OC90: variants seen among roughly 807,000 people sequenced by gnomAD.
The protein encoded by OC90 is otoconin-90.
Under a neutral mutation model 47.3 loss-of-function variants are expected in OC90, and 46 were observed. The observed-to-expected ratio is 0.97, with a 90% confidence interval of 0.77 to 1.24. The LOEUF (loss-of-function observed/expected upper bound fraction) is 1.24, where lower values mean the gene tolerates loss of function less well. Among genes scored for constraint, OC90 ranks in the 50% most tolerant of loss-of-function variants. The pLI is 0.00. For synonymous variants in OC90, 271 were observed against 219.5 expected (o/e 1.23, Z -2.07); for missense variants, 688 against 583.9 (o/e 1.18, Z -1.84).
chr8:132,041,030 C>T lies in OC90; in HGVS notation c.457+14G>A, dbSNP rs1283406049. The T allele has an allele frequency of 4.7e-6, 7 of 1,500,694 alleles. No individual in the cohort carries two copies. In the South Asian group the frequency reaches 6.8e-5, roughly 14 times the overall value. 93.0% of individuals were successfully genotyped at this position (1,500,694 alleles called of 1,614,324 possible). ...TTCTGGGCCCAGGCCCCTGGGACAC[C>T]TGGAGATGCTTACCACATATGATCT... On this transcript the variant is annotated intron_variant, in intron 6 of 13. Transcript: ENST00000254627.
At position 132,031,874 on chromosome 8, in the gene OC90, T is replaced by A; in HGVS notation, c.1031+7A>T. 6.2e-7 allele frequency: 1 copy of A among 1,613,268 alleles called. No homozygotes were observed. The highest frequency in any genetic ancestry group is 8.5e-7 in the Non-Finnish European group (1 of 1,179,470). On this transcript the variant is annotated splice_region_variant and intron_variant, in intron 12 of 13. Transcript: ENST00000254627. ...ACACCAGAGCTGTCACCGCTGGCTCTCCATACCTGTCTAGGTCATCCCTTG... is the reference window on the plus strand; with the variant it reads ...ACACCAGAGCTGTCACCGCTGGCTCACCATACCTGTCTAGGTCATCCCTTG...
chr8:132,033,479 G>C (rs975561329), intron 10 of OC90, among the ~76,000 whole-genome samples: 1 of 152,172 alleles, frequency 6.6e-6, no homozygotes, highest in African/African-American at 2.4e-5. Context: ...CAGTGAAGGG[G>C]CATTATGGCG....
Position 132,029,125 on chromosome 8 carries a change from C to T in OC90, c.1086G>A (p.Leu362=), listed in dbSNP as rs1173489577. The T allele has an allele frequency of 1.2e-6, 2 of 1,613,994 alleles. No individual in the cohort carries two copies. Among genetic ancestry groups the T allele is most frequent in the East Asian group, 2.2e-5 (1 of 44,872 alleles). The part of the protein sequence containing the change: ...CLEQVRRLGC[L]LERLPWSPVV... ...CCGGTGACCAAGGAAGCCTCTCAAG[C>T]AGGCAGCCCAGCCTTCTCACTTGCT... The change falls in exon 13 of 14, where the codon CTG becomes CTA. Residue 362 remains leucine (L), a synonymous_variant. Coordinates refer to ENST00000254627, the MANE Select transcript of OC90 (RefSeq NM_001080399.3).
Position 132,038,774 on chromosome 8 carries a change from C to A in OC90, c.628+16G>T. On this transcript the variant is annotated intron_variant, in intron 8 of 13. Transcript: ENST00000254627. ...GCCCTTGTGGTTCAAGAGCCACCAA[C>A]CCTGGGAGGCCTTACCTCTGGGCAG... The A allele has an allele frequency of 1.2e-6, 2 of 1,611,474 alleles. No individual in the cohort carries two copies. Among genetic ancestry groups the A allele is most frequent in the Non-Finnish European group, 1.7e-6 (2 of 1,178,060 alleles).
chr8:132,031,749 G>A (rs1420024235), intron 12 of OC90, 132 bp downstream of exon 12: 30 of 691,592 alleles, frequency 4.3e-5, no homozygotes, highest in Non-Finnish European at 7.3e-5. Context: ...CCACCTGAGT[G>A]AGCTGCTGTG....
In OC90 at chr8:132,053,065, C is replaced by G. The variant is rs1168692625; in HGVS notation, c.46+1916G>C. On this transcript the variant is annotated intron_variant, in intron 2 of 13. Coordinates refer to ENST00000254627, the MANE Select transcript of OC90 (RefSeq NM_001080399.3). Reference sequence around the variant, plus strand: ...ATCCTGCCTTTGCTTGTACTGCACCCTGGGGCCTGGGATGCCTTCCCCTTG... The same window carrying G: ...ATCCTGCCTTTGCTTGTACTGCACCGTGGGGCCTGGGATGCCTTCCCCTTG... Among the ~76,000 whole-genome samples, 5 of 152,116 alleles carry G rather than the reference C, an allele frequency of 3.3e-5. No homozygotes were observed. In the South Asian group the frequency reaches 1.0e-3, roughly 32 times the overall value.
chr8:132,048,843 A>G (rs7817055), intron 2 of OC90, among the ~76,000 whole-genome samples: 55,217 of 151,216 alleles, frequency 0.37, 10,905 homozygotes, highest in East Asian at 0.48. Flanking sequence ...GGGATGGCTG[A>G]GGCACAGTCT....
At chr8:132,049,538 G>A (rs1823184990) in intron 2 of OC90, among the ~76,000 whole-genome samples, 2 of 152,216 alleles carry the variant, frequency 1.3e-5, no homozygotes, top group Admixed American at 1.3e-4. Flanking sequence ...AAGGAGTGTT[G>A]ATCTTATAGC....
intron 11 of OC90, 24 bp downstream of exon 11, chr8:132,033,015 A>C (rs1282699329): frequency 2.7e-5 from 44 of 1,603,014 alleles, no homozygotes; most frequent in Non-Finnish European, 3.7e-5. Context: ...AGCAGCGGAG[A>C]GGACAGACAC....
chr8:132,025,673 C>G (rs570532616), intron 13 of OC90, among the ~76,000 whole-genome samples: 4 of 152,250 alleles, frequency 2.6e-5, no homozygotes, highest in Non-Finnish European at 5.9e-5. Flanking sequence ...ACACTCAAAT[C>G]TTTCAAGTTG....
rs147649400 is a variant in OC90 at position 132,037,319 on chromosome 8, C to T, written c.679+119G>A. 5 of 823,934 alleles carry T rather than the reference C, an allele frequency of 6.1e-6. No individual in the cohort carries two copies. In the African/African-American group the frequency reaches 8.4e-5, roughly 14 times the overall value. The allele number at this position is 823,934 out of a possible 1,614,324, so 51.0% of individuals were successfully genotyped here. A position where few individuals can be genotyped will look rare whatever the true frequency, so the allele number is the denominator to read the frequency against. Reference sequence around the variant, plus strand: ...TTCTCATGAATAGTTTCACACCATCCCTTCGGTGCTGTTCTTGTGATAGTG... The same window carrying T: ...TTCTCATGAATAGTTTCACACCATCTCTTCGGTGCTGTTCTTGTGATAGTG... On this transcript the variant is annotated intron_variant, in intron 9 of 13. Transcript: ENST00000254627.
intron 9 of OC90, chr8:132,036,408 C>T (rs1473356407): frequency 1.3e-6 from 1 of 780,824 alleles, no homozygotes; most frequent in Admixed American, 1.7e-5. Flanking sequence ...CAGCCTCAGT[C>T]TCTGCAGCCA....
At chr8:132,043,326 G>A (rs778689271) in intron 4 of OC90, among the ~76,000 whole-genome samples, 3 of 152,324 alleles carry the variant, frequency 2.0e-5, no homozygotes, top group Non-Finnish European at 2.9e-5. Context: ...GATGTTTTCT[G>A]TCACTGCCAA....
At chr8:132,056,565 T>G (rs1163619021) in intron 1 of OC90, among the ~76,000 whole-genome samples, 1 of 152,208 alleles carries the variant, frequency 6.6e-6, no homozygotes, top group Non-Finnish European at 1.5e-5. Context: ...CTTAGAGCCT[T>G]TTTTAGCCAC....
At position 132,029,310 on chromosome 8, in the gene OC90, G is replaced by C. The variant is rs1822838169; in HGVS notation, c.1032-131C>G. On this transcript the variant is annotated intron_variant, in intron 12 of 13. Coordinates refer to ENST00000254627, the MANE Select transcript of OC90 (RefSeq NM_001080399.3). ...CAGTGCCTCCTTTCCAGTGCACACA[G>C]GGCTGACTCATATACACACCAAGGG... The C allele has an allele frequency of 1.7e-5, 12 of 697,950 alleles. No homozygotes were observed. In the South Asian group the frequency reaches 2.1e-4, roughly 12 times the overall value. 43.2% of individuals were successfully genotyped at this position (697,950 alleles called of 1,614,324 possible).
intron 13 of OC90, among the ~76,000 whole-genome samples, chr8:132,028,349 A>G (rs1354579500): frequency 6.6e-6 from 1 of 151,836 alleles, no homozygotes; most frequent in African/African-American, 2.4e-5. Flanking sequence ...TAAAAATACA[A>G]AAATTAGCTG....
At position 132,024,737 on chromosome 8, in the gene OC90, C is replaced by A. The variant is rs1286682756; in HGVS notation, c.1178G>T (p.Cys393Phe). The A allele has an allele frequency of 1.2e-6, 2 of 1,613,732 alleles. No homozygotes were observed. The highest frequency in any genetic ancestry group is 2.2e-5 in the East Asian group (1 of 44,878). Residue 393 changes from cysteine (C) to phenylalanine (F), a missense_variant, in exon 14 of 14, where the codon TGT (cysteine) becomes TTT (phenylalanine). Cys to Phe is a radical substitution (Grantham distance 205). Transcript: ENST00000254627. The stretch of plus-strand genomic sequence containing the variant: ...CATGCACTCAGCTGCCGTCTGGTCA[C>A]AGGCACAGAGCAACTTCTCACACAG... Reference protein sequence around the residue: ...QSLCEKLLCACDQTAAECMTS... With the variant: ...QSLCEKLLCAFDQTAAECMTS...
At chr8:132,036,401 C>T (rs1822963621) in intron 9 of OC90, 2 of 780,704 alleles carry the variant, frequency 2.6e-6, no homozygotes, top group African/African-American at 1.7e-5. Flanking sequence ...AGTCTGTCAG[C>T]CTCAGTCTCT....
intron 13 of OC90, 147 bp downstream of exon 13, chr8:132,028,926 A>G (rs1822828741): frequency 1.7e-6 from 1 of 575,994 alleles, no homozygotes; most frequent in Non-Finnish European, 3.1e-6. Flanking sequence ...GGAAGGAAGG[A>G]AGGGAAGGAA....
Sources: gnomAD v4.1 joint callset for allele counts (sites outside exome capture counted in the v4.1 genomes callset) on GRCh38, gnomAD v4.1.1 for gene constraint, MANE v1.5 for transcripts, NCBI Gene and HGNC (gene_info 2026-07-23, HGNC 2026-07-21) for gene names.